PMPCB: variants seen among roughly 807,000 people sequenced by gnomAD.
PMPCB encodes the protein mitochondrial-processing peptidase subunit beta.
In PMPCB, 46 loss-of-function variants were observed where a neutral mutation model predicts 61.5. The ratio of observed to expected loss-of-function variants is 0.75; its 90% CI spans 0.59 to 0.96. The LOEUF is 0.96. Ranked by LOEUF, PMPCB falls within the 40% of genes least tolerant of loss-of-function variation. The pLI, the probability that PMPCB is intolerant of heterozygous loss-of-function variation, is 0.00. For synonymous variants in PMPCB, 191 were observed against 201.6 expected, an observed-to-expected ratio of 0.95 and a Z score of 0.44; for missense variants, 590 against 602.4, an observed-to-expected ratio of 0.98 and a Z score of 0.22.
At chr7:103,300,402 G>C in intron 4 of PMPCB, 95 bp downstream of exon 4, 1 of 1,021,062 alleles carries the variant, frequency 9.8e-7, no homozygotes, top group South Asian at 2.3e-5. Context: ...AAAAGAGTAA[G>C]TTCCAGAAAT....
intron 6 of PMPCB, among the ~76,000 whole-genome samples, chr7:103,304,750 C>A (rs1166290758): frequency 3.3e-5 from 5 of 151,988 alleles, no homozygotes; most frequent in African/African-American, 4.8e-5. Context: ...ATCACGAGGT[C>A]AGGAGTTCAA....
intron 6 of PMPCB, among the ~76,000 whole-genome samples, chr7:103,304,904 A>T (rs1319055883): frequency 6.6e-6 from 1 of 152,046 alleles, no homozygotes; most frequent in African/African-American, 2.4e-5. Flanking sequence ...GGTTACAGTG[A>T]GCCAAGATTG....
At chr7:103,323,948 A>T (rs979615447) in intron 12 of PMPCB, among the ~76,000 whole-genome samples, 2 of 152,204 alleles carry the variant, frequency 1.3e-5, no homozygotes, top group African/African-American at 4.8e-5. Flanking sequence ...CAATTTCGCT[A>T]GTCTGTCAAG....
downstream of PMPCB, among the ~76,000 whole-genome samples, chr7:103,332,233 C>G (rs1819006310): frequency 6.6e-6 from 1 of 152,198 alleles, no homozygotes; most frequent in Admixed American, 6.5e-5. Flanking sequence ...TCTCGATCTC[C>G]TGACCTCATG....
chr7:103,305,857 G>A (rs1382424276), intron 6 of PMPCB, among the ~76,000 whole-genome samples: 1 of 152,156 alleles, frequency 6.6e-6, no homozygotes, highest in Non-Finnish European at 1.5e-5. Flanking sequence ...AACTGCCTTG[G>A]AAATGGGACA....
At position 103,312,934 on chromosome 7, in the gene PMPCB, T is replaced by G. The variant is rs79759109; in HGVS notation, c.*663T>G. 2,437 of 1,602,428 alleles carry G rather than the reference T, an allele frequency of 1.5e-3. 31 individuals are homozygous for G. In the African/African-American group the frequency reaches 0.029, roughly 19 times the overall value. The stretch of plus-strand genomic sequence containing the variant: ...TTAAAATACAACAATCTATAAACGC[T>G]TAAGTCTGCAACCTTGTATCGTTTC... On this transcript the variant is annotated 3_prime_UTR_variant, in exon 13 of 13. Transcript: ENST00000249269.
Position 103,313,356 on chromosome 7 carries a change from A to C in PMPCB, c.*1085A>C, listed in dbSNP as rs961912189. ...AGTAAAGATCTACCTTGTACTGTTT[A>C]TCTCTTAAAAATCAATGTAATACAC... On this transcript the variant is annotated 3_prime_UTR_variant, in exon 13 of 13. Coordinates refer to ENST00000249269, the MANE Select transcript of PMPCB (RefSeq NM_004279.3). 31 of 1,151,614 alleles carry C rather than the reference A, an allele frequency of 2.7e-5. No homozygotes were observed. The highest frequency in any genetic ancestry group is 7.5e-5 in the South Asian group (2 of 26,686). 71.3% of individuals were successfully genotyped at this position (1,151,614 alleles called of 1,614,324 possible).
At chr7:103,303,206 T>C (rs771288887) in intron 4 of PMPCB, among the ~76,000 whole-genome samples, 14 of 152,314 alleles carry the variant, frequency 9.2e-5, no homozygotes, top group Non-Finnish European at 1.9e-4. Context: ...AATCTTTGCC[T>C]CCCGAGCTCC....
chr7:103,304,890 C>A (rs1195921587), intron 6 of PMPCB, among the ~76,000 whole-genome samples: 1 of 151,224 alleles, frequency 6.6e-6, no homozygotes, highest in Non-Finnish European at 1.5e-5. Context: ...ACCCAGGAGG[C>A]GGAGGTTACA....
chr7:103,299,996 C>T (rs1474739291), intron 3 of PMPCB, among the ~76,000 whole-genome samples, 182 bp from the exon 4 acceptor site: 1 of 152,128 alleles, frequency 6.6e-6, no homozygotes, highest in Non-Finnish European at 1.5e-5. Flanking sequence ...AATCTGCCTG[C>T]CTCAGCTTCT....
Position 103,313,897 on chromosome 7 carries a change from T to A in PMPCB, c.*1626T>A. ...TAATGGACTTCTGGCAATTTAGTTA[T>A]TTCAGACTATGCAGTGACAACACAG... On this transcript the variant is annotated 3_prime_UTR_variant, in exon 13 of 13. Transcript: ENST00000249269. 1.0e-6 allele frequency: 1 copy of A among 985,430 alleles called. No individual in the cohort carries two copies. The highest frequency in any genetic ancestry group is 1.2e-6 in the Non-Finnish European group (1 of 829,928). The allele number at this position is 985,430 out of a possible 1,614,324, so 61.0% of individuals were successfully genotyped here.
At chr7:103,311,776 C>A (rs368725130) in intron 10 of PMPCB, 32 bp from the exon 11 acceptor site, 9 of 1,598,442 alleles carry the variant, frequency 5.6e-6, no homozygotes, top group Non-Finnish European at 7.7e-6. Flanking sequence ...GATCTGTATT[C>A]CAATAGTTAA....
chr7:103,301,993 C>G (rs1202541493), intron 4 of PMPCB, among the ~76,000 whole-genome samples: 3 of 152,070 alleles, frequency 2.0e-5, no homozygotes, highest in African/African-American at 7.2e-5. Context: ...GATGTTCCCA[C>G]CTCGTGTCCA....
the PMPCB span, among the ~76,000 whole-genome samples, chr7:103,346,817 A>AATGTGTGTGTGT: frequency 2.3e-4 from 18 of 77,452 alleles, no homozygotes; most frequent in African/African-American, 7.3e-4. Flanking sequence ...AAGGCTGAAT[A>AATGTGTGTGTGT]ATGTGTGTGT....
rs1228137379 is a variant in PMPCB at position 103,313,692 on chromosome 7, G to A, written c.*1421G>A. ...CACATCTGCTAAAATCTTGGGAGCC[G>A]ATGCTGAACACTTCCAATAACTGCT... On this transcript the variant is annotated 3_prime_UTR_variant, in exon 13 of 13. Transcript: ENST00000249269. The A allele has an allele frequency of 2.8e-5, 28 of 985,258 alleles. No homozygotes were observed. The highest frequency in any genetic ancestry group is 1.4e-4 in the South Asian group (3 of 21,290). The allele number at this position is 985,258 out of a possible 1,614,324, so 61.0% of individuals were successfully genotyped here. A position where few individuals can be genotyped will look rare whatever the true frequency, so the allele number is the denominator to read the frequency against.
the PMPCB span, among the ~76,000 whole-genome samples, chr7:103,342,983 T>C: frequency 3.8e-4 from 58 of 151,916 alleles, no homozygotes; most frequent in Admixed American, 1.3e-4. Context: ...AAATAAAAAA[T>C]CTAAAAACAA....
At chr7:103,303,798 G>GT (rs1298328259) in intron 4 of PMPCB, 44 bp from the exon 5 acceptor site, 1 of 1,408,940 alleles carries the variant, frequency 7.1e-7, no homozygotes, top group Non-Finnish European at 9.8e-7. Flanking sequence ...AATAGTGAAA[G>GT]TTAAGATTGC....
chr7:103,321,936 C>T, intron 12 of PMPCB: 1 of 1,613,258 alleles, frequency 6.2e-7, no homozygotes, highest in Non-Finnish European at 8.5e-7. Context: ...ATATACCTTG[C>T]ATGAGTTTCG....
At chr7:103,333,005 A>T (rs1233061857), downstream of PMPCB, among the ~76,000 whole-genome samples, 1 of 152,060 alleles carries the variant, frequency 6.6e-6, no homozygotes, top group East Asian at 1.9e-4. Flanking sequence ...AAATTTTTTT[A>T]GATTTTGGAA....
Sources: allele counts gnomAD v4.1 joint callset (sites outside exome capture counted in the v4.1 genomes callset), GRCh38; gene constraint gnomAD v4.1.1; transcripts MANE v1.5; gene names NCBI Gene and HGNC (gene_info 2026-07-23, HGNC 2026-07-21).